The following CHST11 variants were observed in gnomAD, a reference collection of about 807,000 sequenced individuals.
The protein encoded by CHST11 is carbohydrate sulfotransferase 11.
In CHST11, 9 loss-of-function variants were observed where a neutral mutation model predicts 30.4. The ratio of observed to expected loss-of-function variants is 0.30; its 90% CI spans 0.18 to 0.52. CHST11 has a LOEUF of 0.52. Ranked by LOEUF, CHST11 falls within the 20% of genes least tolerant of loss-of-function variation. The probability of loss-of-function intolerance (pLI) is 0.97; values close to 1 mark genes in which losing one functional copy is unlikely to be tolerated. For synonymous variants in CHST11, 152 were observed against 187.8 expected (o/e 0.81, Z 1.56); for missense variants, 348 against 460.6 (o/e 0.76, Z 2.24).
chr12:104,705,400 T>C (rs577468932), intron 2 of CHST11, among the ~76,000 whole-genome samples: 3 of 152,214 alleles, frequency 2.0e-5, no homozygotes, highest in Middle Eastern at 3.4e-3. Context: ...GTCGCAGGTA[T>C]GTAAAGGGCT....
chr12:104,730,748 G>A (rs2040250652), intron 2 of CHST11, among the ~76,000 whole-genome samples: 1 of 152,214 alleles, frequency 6.6e-6, no homozygotes, highest in Non-Finnish European at 1.5e-5. Context: ...GGAAGAAATG[G>A]GGAGAGGAGT....
rs59199522 is a variant in CHST11 at position 104,665,812 on chromosome 12, C to CTTTT, written c.204+63844_204+63847dup. 4.0e-3 allele frequency among the ~76,000 whole-genome samples: 315 copies of CTTTT among 78,848 alleles called. 44 individuals are homozygous for CTTTT. Among genetic ancestry groups the CTTTT allele is most frequent in the African/African-American group, 9.9e-3 (179 of 18,106 alleles). The allele number at this position is 78,848 out of a possible 152,430, so 51.7% of individuals were successfully genotyped here. A position where few individuals can be genotyped will look rare whatever the true frequency, so the allele number is the denominator to read the frequency against. ...CCTTTCTCTTTCTCTCTCTCTGTCT[C>CTTTT]TTTTTTTTTTTTTTTTTTTTTTTTT... On this transcript the variant is annotated intron_variant, in intron 2 of 2. Transcript: ENST00000303694.
intron 2 of CHST11, among the ~76,000 whole-genome samples, chr12:104,737,700 A>G (rs1362048501): frequency 6.6e-6 from 1 of 152,158 alleles, no homozygotes; most frequent in African/African-American, 2.4e-5. Flanking sequence ...ACTCCTCTTG[A>G]GCGCCTGTGG....
intron 2 of CHST11, among the ~76,000 whole-genome samples, chr12:104,687,852 C>G (rs2039863255): frequency 6.6e-6 from 1 of 152,034 alleles, no homozygotes. Flanking sequence ...GAGAAATACT[C>G]CAGATGCAGT....
intron 1 of CHST11, among the ~76,000 whole-genome samples, chr12:104,532,467 C>T (rs890321811): frequency 5.3e-5 from 8 of 152,070 alleles, no homozygotes; most frequent in Admixed American, 4.6e-4. Flanking sequence ...CAAAGAATAC[C>T]AAGGAACAGT....
intron 2 of CHST11, among the ~76,000 whole-genome samples, chr12:104,648,265 T>C (rs1429553439): frequency 1.3e-5 from 2 of 152,182 alleles, no homozygotes; most frequent in East Asian, 1.9e-4. Context: ...AAACCTTAGG[T>C]ACCTGATGTG....
At position 104,463,340 on chromosome 12, in the gene CHST11, A is replaced by G. The variant is rs146311844; in HGVS notation, c.118+5811A>G. Among the ~76,000 whole-genome samples, 914 of 152,296 alleles carry G rather than the reference A, an allele frequency of 6.0e-3. 5 individuals are homozygous for G. Among genetic ancestry groups the G allele is most frequent in the Admixed American group, 0.01 (158 of 15,300 alleles). On this transcript the variant is annotated intron_variant, in intron 1 of 2. Transcript: ENST00000303694. ...GGGACACCACCTTTATAACAAATAA[A>G]AGGGGAGGCAGTTCTTCCTATGAAC...
At chr12:104,466,599 A>G (rs2037462058) in intron 1 of CHST11, among the ~76,000 whole-genome samples, 1 of 152,232 alleles carries the variant, frequency 6.6e-6, no homozygotes, top group Admixed American at 6.5e-5. Flanking sequence ...CTAGAACCTT[A>G]GCTTCAAAGA....
chr12:104,574,902 A>C (rs559017937), intron 1 of CHST11, among the ~76,000 whole-genome samples: 1 of 152,154 alleles, frequency 6.6e-6, no homozygotes, highest in African/African-American at 2.4e-5. Context: ...ATTAAAAATG[A>C]CTGTAGAGGC....
rs538963282 is a variant in CHST11 at position 104,544,138 on chromosome 12, A to AAAGAAAG, written c.119-57766_119-57765insGAAAGAA. Among the ~76,000 whole-genome samples, 319 of 71,590 alleles carry AAAGAAAG rather than the reference A, an allele frequency of 4.5e-3. 2 individuals carry two copies. Among genetic ancestry groups the AAAGAAAG allele is most frequent in the Middle Eastern group, 0.011 (1 of 88 alleles). The allele number at this position is 71,590 out of a possible 152,430, so 47.0% of individuals were successfully genotyped here. A position where few individuals can be genotyped will look rare whatever the true frequency, so the allele number is the denominator to read the frequency against. On this transcript the variant is annotated intron_variant, in intron 1 of 2. Transcript: ENST00000303694. ...GACCCTGTCTGTTAAAAAAAAAAAA[A>AAAGAAAG]AAAGAAAGAAAGAAAGAAAGAAAGA...
At chr12:104,686,781 G>A (rs913532170) in intron 2 of CHST11, among the ~76,000 whole-genome samples, 1 of 152,088 alleles carries the variant, frequency 6.6e-6, no homozygotes, top group Non-Finnish European at 1.5e-5. Context: ...CCAAGTAGCT[G>A]GGACTACAGG....
At chr12:104,491,095 A>C (rs1565961330) in intron 1 of CHST11, among the ~76,000 whole-genome samples, 1 of 151,824 alleles carries the variant, frequency 6.6e-6, no homozygotes, top group Non-Finnish European at 1.5e-5. Flanking sequence ...CTTATCTGTT[A>C]ACAATTATCT....
chr12:104,735,654 G>A (rs1448586531), intron 2 of CHST11, among the ~76,000 whole-genome samples: 1 of 152,178 alleles, frequency 6.6e-6, no homozygotes, highest in Non-Finnish European at 1.5e-5. Context: ...AGGTCCCTTA[G>A]GTGCAAGAAA....
chr12:104,660,704 A>G (rs2039591085), intron 2 of CHST11, among the ~76,000 whole-genome samples: 1 of 152,154 alleles, frequency 6.6e-6, no homozygotes, highest in South Asian at 2.1e-4. Context: ...TCTTCTCAGA[A>G]GAAAATCCGA....
At chr12:104,585,940 T>C (rs1452836724) in intron 1 of CHST11, among the ~76,000 whole-genome samples, 1 of 152,202 alleles carries the variant, frequency 6.6e-6, no homozygotes, top group Non-Finnish European at 1.5e-5. Context: ...TGTGTCTCTG[T>C]GGGTCCCCTC....
chr12:104,543,477 G>A (rs769486623), intron 1 of CHST11, among the ~76,000 whole-genome samples: 17 of 152,200 alleles, frequency 1.1e-4, no homozygotes, highest in Non-Finnish European at 2.1e-4. Flanking sequence ...GATAGGGGAG[G>A]AGACTAGTGG....
rs1289612068 is a variant in CHST11, at chr12:104,514,431, A to G, written c.118+56902A>G. 56 of 895,018 alleles carry G rather than the reference A, an allele frequency of 6.3e-5. 2 individuals are homozygous for G. The highest frequency in any genetic ancestry group is 1.0e-4 in the Non-Finnish European group (56 of 536,544). The allele number at this position is 895,018 out of a possible 1,614,324, so 55.4% of individuals were successfully genotyped here. On this transcript the variant is annotated intron_variant, in intron 1 of 2. Transcript: ENST00000303694. ...GATGGTTGCCTTCCTCATCCTCTTC[A>G]CCATGTGAGACTCTGTGGGGGTCAC... is the stretch of plus-strand genomic sequence containing the variant.
At chr12:104,599,610 C>CA (rs1344682942) in intron 1 of CHST11, among the ~76,000 whole-genome samples, 2 of 152,066 alleles carry the variant, frequency 1.3e-5, no homozygotes, top group African/African-American at 2.4e-5. Flanking sequence ...CTTCTTGGGG[C>CA]AACTGGAGGA....
chr12:104,666,093 C>T (rs2039640686), intron 2 of CHST11, among the ~76,000 whole-genome samples: 1 of 152,126 alleles, frequency 6.6e-6, no homozygotes, highest in Non-Finnish European at 1.5e-5. Context: ...GCTGGGATTA[C>T]AGGTGTGAGC....
Sources: allele counts gnomAD v4.1 joint callset (sites outside exome capture counted in the v4.1 genomes callset), GRCh38; gene constraint gnomAD v4.1.1; transcripts MANE v1.5; gene names NCBI Gene and HGNC (gene_info 2026-07-23, HGNC 2026-07-21).